FAM135B: variants seen among roughly 807,000 people sequenced by gnomAD.
The protein encoded by FAM135B is protein FAM135B.
A neutral mutation model predicts 127.7 loss-of-function variants in FAM135B; 43 were observed. The observed-to-expected ratio is 0.34, with a 90% CI of 0.26 to 0.43. The LOEUF is 0.43. Among genes scored for constraint, FAM135B ranks in the 20% least tolerant of loss-of-function variants. FAM135B has a pLI of 1.00. For missense variants in FAM135B, 1,558 were observed against 1,725.6 expected (o/e 0.90, Z 1.72); for synonymous variants, 670 against 665.1 (o/e 1.01, Z -0.11).
At chr8:138,351,760 C>A (rs1233775592) in intron 2 of FAM135B, among the ~76,000 whole-genome samples, 1 of 150,134 alleles carries the variant, frequency 6.7e-6, no homozygotes, top group East Asian at 2.0e-4. Flanking sequence ...TACAATCTCA[C>A]CTCATGGCAA....
chr8:138,414,322 C>T (rs144604043), intron 1 of FAM135B, among the ~76,000 whole-genome samples: 2 of 152,088 alleles, frequency 1.3e-5, no homozygotes, highest in African/African-American at 4.8e-5. Flanking sequence ...CCTGCATGAC[C>T]TTGTACAAAG....
At chr8:138,227,715 T>TC (rs1819572729) in intron 7 of FAM135B, among the ~76,000 whole-genome samples, 1 of 76,850 alleles carries the variant, frequency 1.3e-5, no homozygotes, top group Non-Finnish European at 2.4e-5. Flanking sequence ...TTTGTCTCTC[T>TC]TTTTTTTTTT....
intron 2 of FAM135B, among the ~76,000 whole-genome samples, chr8:138,321,716 G>A (rs1827465727): frequency 6.6e-6 from 1 of 152,200 alleles, no homozygotes; most frequent in Non-Finnish European, 1.5e-5. Context: ...TGCCTGGCAA[G>A]TATTGAGTCT....
At chr8:138,259,234 T>G (rs1047972281) in intron 4 of FAM135B, among the ~76,000 whole-genome samples, 2 of 152,146 alleles carry the variant, frequency 1.3e-5, no homozygotes, top group African/African-American at 4.8e-5. Context: ...TGGTTTCAAC[T>G]CATAATGGTG....
chr8:138,463,398 T>C (rs958268159), intron 1 of FAM135B, among the ~76,000 whole-genome samples: 2 of 151,764 alleles, frequency 1.3e-5, no homozygotes, highest in Admixed American at 6.6e-5. Context: ...TGGGAGAGAA[T>C]TGTATCAGGA....
intron 1 of FAM135B, among the ~76,000 whole-genome samples, chr8:138,374,983 TAACAACAACAACAACAACAAC>T (rs58875296): frequency 6.7e-6 from 1 of 150,262 alleles, no homozygotes; most frequent in Non-Finnish European, 1.5e-5. Context: ...CTGGGAAAAT[TAACAACAACAACAACAACAAC>T]AACAACAACA....
At chr8:138,490,914 G>A (rs936260329) in intron 1 of FAM135B, among the ~76,000 whole-genome samples, 3 of 152,044 alleles carry the variant, frequency 2.0e-5, no homozygotes, top group Non-Finnish European at 2.9e-5. Context: ...GGGCCGAGGC[G>A]GGTGGATCAC....
At chr8:138,195,175 T>A (rs1318818776) in intron 9 of FAM135B, 83 bp downstream of exon 9, 7 of 1,402,628 alleles carry the variant, frequency 5.0e-6, no homozygotes, top group Non-Finnish European at 7.0e-6. Flanking sequence ...TTCACTTCTG[T>A]TTTTTACAGC....
intron 3 of FAM135B, among the ~76,000 whole-genome samples, chr8:138,268,306 T>C (rs965611241): frequency 1.3e-5 from 2 of 152,172 alleles, no homozygotes; most frequent in Admixed American, 1.3e-4. Flanking sequence ...GAATATATTA[T>C]CATTGGCCAC....
At chr8:138,476,783 A>G (rs1208619561) in intron 1 of FAM135B, among the ~76,000 whole-genome samples, 1 of 152,134 alleles carries the variant, frequency 6.6e-6, no homozygotes. Context: ...CACTGGATAA[A>G]TTTTCTAAGC....
chr8:138,265,325 G>A (rs144056290), intron 4 of FAM135B, among the ~76,000 whole-genome samples: 148 of 152,078 alleles, frequency 9.7e-4, no homozygotes, highest in African/African-American at 3.4e-3. Flanking sequence ...TGCCTTCTCC[G>A]GTTCTGTCCC....
At chr8:138,178,109 G>A (rs1003175471) in intron 10 of FAM135B, among the ~76,000 whole-genome samples, 17 of 152,224 alleles carry the variant, frequency 1.1e-4, no homozygotes, top group East Asian at 3.9e-4. Context: ...TTAGTCGGGT[G>A]TGGTGGTGTG....
rs1267996948 is a variant in FAM135B at position 138,374,361 on chromosome 8, A to G, written c.-19-6359T>C. Among the ~76,000 whole-genome samples the G allele has an allele frequency of 2.6e-5, 4 of 152,234 alleles. 1 individual carries two copies. The highest frequency in any genetic ancestry group is 5.9e-5 in the Non-Finnish European group (4 of 68,052). On this transcript the variant is annotated intron_variant, in intron 1 of 19. Coordinates refer to ENST00000395297, the MANE Select transcript of FAM135B (RefSeq NM_015912.4). ...TTAAACTGACTTTTGTAGAGTATTAAAAATGTTCTCATTGTCAATAGGATA... is the reference window on the plus strand; with the variant it reads ...TTAAACTGACTTTTGTAGAGTATTAGAAATGTTCTCATTGTCAATAGGATA...
At chr8:138,158,415 C>T (rs1383348128) in intron 12 of FAM135B, among the ~76,000 whole-genome samples, 1 of 152,088 alleles carries the variant, frequency 6.6e-6, no homozygotes, top group Non-Finnish European at 1.5e-5. Flanking sequence ...ACTAAAACAC[C>T]AAAAGCAATG....
chr8:138,391,422 C>G (rs1832569090), intron 1 of FAM135B, among the ~76,000 whole-genome samples: 1 of 152,094 alleles, frequency 6.6e-6, no homozygotes. Flanking sequence ...TCCACTTCTC[C>G]CATCCACCAG....
chr8:138,411,993 T>C (rs1833897149), intron 1 of FAM135B, among the ~76,000 whole-genome samples: 2 of 152,206 alleles, frequency 1.3e-5, no homozygotes, highest in Admixed American at 1.3e-4. Flanking sequence ...TGTTCTCACT[T>C]ATAAGTTGGA....
chr8:138,276,200 C>G (rs1823809466), intron 3 of FAM135B, among the ~76,000 whole-genome samples: 1 of 152,188 alleles, frequency 6.6e-6, no homozygotes, highest in East Asian at 1.9e-4. Flanking sequence ...AAATTGGAGG[C>G]AAAGAGCCTT....
chr8:138,469,518 GAAA>G (rs756380290), intron 1 of FAM135B, among the ~76,000 whole-genome samples: 1 of 152,014 alleles, frequency 6.6e-6, no homozygotes, highest in Non-Finnish European at 1.5e-5. Flanking sequence ...AAAGTAGGAA[GAAA>G]AAAATCAGGG....
intron 2 of FAM135B, among the ~76,000 whole-genome samples, chr8:138,331,417 A>AT (rs1828166147): frequency 6.6e-6 from 1 of 152,212 alleles, no homozygotes; most frequent in African/African-American, 2.4e-5. Context: ...CAGAAAATAG[A>AT]TTAATTCCTT....
Sources: gnomAD v4.1 joint callset for allele counts (sites outside exome capture counted in the v4.1 genomes callset) on GRCh38, gnomAD v4.1.1 for gene constraint, MANE v1.5 for transcripts, NCBI Gene and HGNC (gene_info 2026-07-23, HGNC 2026-07-21) for gene names.